Variants in UBE2E3 observed in about 807,000 individuals in gnomAD.
UBE2E3 encodes the protein ubiquitin-conjugating enzyme E2 E3.
Under a neutral mutation model 23.6 loss-of-function variants are expected in UBE2E3, and 5 were observed. That is an observed-to-expected ratio of 0.21 (90% CI 0.11 to 0.44). UBE2E3 has a LOEUF of 0.44. Among genes scored for constraint, UBE2E3 ranks in the 20% least tolerant of loss-of-function variants. UBE2E3 has a pLI of 0.99. For synonymous variants in UBE2E3, 78 were observed against 87.5 expected (o/e 0.89, Z 0.60); for missense variants, 81 against 249.8 (o/e 0.32, Z 4.55).
chr2:181,056,035 T>G (rs78590213), intron 3 of UBE2E3, among the ~76,000 whole-genome samples: 34,546 of 149,738 alleles, frequency 0.23, 4,305 homozygotes, highest in Non-Finnish European at 0.28. Flanking sequence ...TGGAAAAATG[T>G]TTGATTCCAA....
At chr2:181,047,020 G>A (rs80190608) in intron 3 of UBE2E3, among the ~76,000 whole-genome samples, 117 of 152,178 alleles carry the variant, frequency 7.7e-4, no homozygotes, top group African/African-American at 2.7e-3. Flanking sequence ...ACCAGTATTA[G>A]CATTTCCTTC....
chr2:181,025,185 T>A (rs1437111417), intron 3 of UBE2E3, among the ~76,000 whole-genome samples: 1 of 151,948 alleles, frequency 6.6e-6, no homozygotes, highest in Non-Finnish European at 1.5e-5. Flanking sequence ...GTCTTGGCAT[T>A]TGTCCAGAAA....
chr2:180,989,353 G>T (rs1027139792), intron 3 of UBE2E3, among the ~76,000 whole-genome samples: 3 of 151,968 alleles, frequency 2.0e-5, no homozygotes, highest in African/African-American at 7.3e-5. Flanking sequence ...TGCATGTGAA[G>T]GTCTGTTAAT....
intron 3 of UBE2E3, among the ~76,000 whole-genome samples, chr2:181,022,622 C>T (rs1324414282): frequency 6.6e-6 from 1 of 151,712 alleles, no homozygotes; most frequent in African/African-American, 2.4e-5. Flanking sequence ...CACTTAGAAA[C>T]ACTAGATAGC....
chr2:180,981,705 TA>T (rs1339874132), intron 1 of UBE2E3, among the ~76,000 whole-genome samples: 1 of 152,248 alleles, frequency 6.6e-6, no homozygotes, highest in Non-Finnish European at 1.5e-5. Context: ...CATATGTTAT[TA>T]ATGCTTGTTG....
At chr2:181,046,116 G>T (rs1235363832) in intron 3 of UBE2E3, among the ~76,000 whole-genome samples, 1 of 152,154 alleles carries the variant, frequency 6.6e-6, no homozygotes, top group Admixed American at 6.6e-5. Context: ...ATCAGTAAAT[G>T]TTAGAAGAGT....
At chr2:181,037,348 T>C (rs1213460002) in intron 3 of UBE2E3, among the ~76,000 whole-genome samples, 1 of 152,156 alleles carries the variant, frequency 6.6e-6, no homozygotes, top group Non-Finnish European at 1.5e-5. Flanking sequence ...TCAGGAGGTA[T>C]TGCAGGAGAA....
intron 3 of UBE2E3, among the ~76,000 whole-genome samples, chr2:181,011,982 T>C (rs916989664): frequency 1.3e-5 from 2 of 152,178 alleles, no homozygotes; most frequent in Non-Finnish European, 2.9e-5. Context: ...CCTGTCACTT[T>C]AGTGTCTCAG....
Position 180,980,804 on chromosome 2 carries a change from T to G in UBE2E3, c.-195T>G, listed in dbSNP as rs954726413. On this transcript the variant is annotated 5_prime_UTR_variant, in exon 1 of 6. Transcript: ENST00000410062. This position sits in a 1 kb window ranked among gnomAD's most constrained non-coding sequence, Gnocchi z 5.5. ...CGGAGCCCGGCACTGCACAACCCCC[T>G]CCGACTTTCAATGTTCCACACTCCC... 1 of 145,564 alleles carries G rather than the reference T, an allele frequency of 6.9e-6. No homozygotes were observed. The highest frequency in any genetic ancestry group is 2.5e-5 in the African/African-American group (1 of 39,600). 9.0% of individuals were successfully genotyped at this position (145,564 alleles called of 1,614,324 possible). A position where few individuals can be genotyped will look rare whatever the true frequency, so the allele number is the denominator to read the frequency against.
chr2:181,040,507 T>G (rs1377639827), intron 3 of UBE2E3, among the ~76,000 whole-genome samples: 2 of 152,196 alleles, frequency 1.3e-5, no homozygotes, highest in Non-Finnish European at 2.9e-5. Flanking sequence ...AAGCATTTAT[T>G]GAGCAACTCT....
intron 3 of UBE2E3, among the ~76,000 whole-genome samples, chr2:181,006,796 T>C (rs1210016937): frequency 6.6e-6 from 1 of 152,184 alleles, no homozygotes; most frequent in Non-Finnish European, 1.5e-5. Flanking sequence ...TAGTAAATAT[T>C]AGTTAGAAAC....
intron 3 of UBE2E3, among the ~76,000 whole-genome samples, chr2:180,992,548 C>T (rs1423703343): frequency 6.6e-6 from 1 of 151,982 alleles, no homozygotes; most frequent in African/African-American, 2.4e-5. Context: ...TCTGTGTTGA[C>T]TTATATCTGT....
intron 1 of UBE2E3, 109 bp from the exon 2 acceptor site, chr2:180,981,909 T>C (rs193256975): frequency 5.0e-6 from 4 of 796,290 alleles, no homozygotes; most frequent in African/African-American, 1.7e-5. Context: ...GTGAACACTT[T>C]TGAAGCTTTT....
chr2:181,003,177 T>G (rs1417847584), intron 3 of UBE2E3, among the ~76,000 whole-genome samples: 1 of 152,220 alleles, frequency 6.6e-6, no homozygotes, highest in African/African-American at 2.4e-5. Context: ...AGGAGTTTAT[T>G]TAGTAAGGAG....
intron 3 of UBE2E3, 123 bp downstream of exon 3, chr2:180,984,216 C>T: frequency 1.4e-6 from 1 of 702,068 alleles, no homozygotes; most frequent in Non-Finnish European, 2.3e-6. Flanking sequence ...TTTGCAAGTG[C>T]ATTAAACAAA....
At chr2:181,024,667 C>G (rs1294601129) in intron 3 of UBE2E3, among the ~76,000 whole-genome samples, 1 of 151,954 alleles carries the variant, frequency 6.6e-6, no homozygotes, top group Non-Finnish European at 1.5e-5. Flanking sequence ...TGTAAACATA[C>G]AATAAAGCTG....
chr2:181,030,336 C>T (rs913174418), intron 3 of UBE2E3, among the ~76,000 whole-genome samples: 6 of 151,784 alleles, frequency 4.0e-5, no homozygotes, highest in African/African-American at 7.2e-5. Flanking sequence ...TTTTTTGAGA[C>T]GGAGTCTTGC....
At chr2:181,059,835 T>C (rs188332482) in intron 4 of UBE2E3, among the ~76,000 whole-genome samples, 2 of 151,758 alleles carry the variant, frequency 1.3e-5, no homozygotes, top group East Asian at 3.9e-4. Flanking sequence ...TTTGAGAGCA[T>C]TTAATGTTTT....
chr2:181,025,129 T>G (rs1471346414), intron 3 of UBE2E3, among the ~76,000 whole-genome samples: 1 of 151,878 alleles, frequency 6.6e-6, no homozygotes, highest in African/African-American at 2.4e-5. Context: ...ACCAAATAAT[T>G]TATAGGGGCA....
Sources: allele counts gnomAD v4.1 joint callset (sites outside exome capture counted in the v4.1 genomes callset), GRCh38; gene constraint gnomAD v4.1.1; non-coding constraint Gnocchi (gnomAD v3.1); transcripts MANE v1.5; gene names NCBI Gene and HGNC (gene_info 2026-07-23, HGNC 2026-07-21).